The following PSG3 variants were observed in gnomAD, a reference collection of about 807,000 sequenced individuals.
PSG3 encodes pregnancy-specific beta-1-glycoprotein 3.
PSG3 carries 61 observed loss-of-function variants against 47.5 expected under a neutral mutation model. The observed-to-expected ratio is 1.28, with a 90% CI of 1.05 to 1.59. PSG3 has a LOEUF of 1.59. Ranked by LOEUF, PSG3 falls within the 40% of genes most tolerant of loss-of-function variation. The pLI is 0.00. For missense variants in PSG3, 756 were observed against 524.0 expected (o/e 1.44, Z -4.32); for synonymous variants, 263 against 198.4 (o/e 1.33, Z -2.74).
At position 42,729,172 on chromosome 19, in the gene PSG3, G is replaced by A. The variant is rs1309225284; in HGVS notation, c.1194C>T (p.Asn398=). The part of the protein sequence containing the change: ...HSGLYACSVR[N]SATGMESSKS... Reference sequence around the variant, plus strand: ...TGGAGCTTTCCATGCCAGTGGCTGAGTTACGAACAGAGCAAGCATAGAGCC... The same window carrying A: ...TGGAGCTTTCCATGCCAGTGGCTGAATTACGAACAGAGCAAGCATAGAGCC... Residue 398 remains asparagine (N), a synonymous_variant, in exon 5 of 7, where the codon AAC becomes AAT. Transcript: ENST00000327495. The A allele has an allele frequency of 1.9e-6, 3 of 1,614,018 alleles. No individual in the cohort carries two copies. In the South Asian group the frequency reaches 3.3e-5, roughly 18 times the overall value.
In PSG3 at chr19:42,732,957, A is replaced by T. The variant is rs756741082; in HGVS notation, c.536T>A (p.Leu179Gln). The change falls in exon 3 of 7, where the codon CTG becomes CAG. Residue 179 changes from leucine (L) to glutamine (Q), a missense_variant. By Grantham distance (113) the Leu-to-Gln change is moderately radical (BLOSUM62 -2). Coordinates refer to ENST00000327495, the MANE Select transcript of PSG3 (RefSeq NM_021016.4). Reference protein sequence around the residue: ...CDPETPDASYLWWMNGQSLPM... With the variant: ...CDPETPDASYQWWMNGQSLPM... ...GAGGCTCTGACCATTCATCCACCAC[A>T]GGTAGCTTGCGTCCGGAGTCTCAGG... The T allele has an allele frequency of 1.9e-6, 3 of 1,614,146 alleles. No homozygotes were observed. The highest frequency in any genetic ancestry group is 2.2e-5 in the East Asian group (1 of 44,876).
In PSG3 at chr19:42,740,477, C is replaced by A; in HGVS notation, c.-93G>T. ...GCTCTCAGCTGTGCTGTCCTTCCTC[C>A]TTCTGCGCTGAGCCTCTTCCCGGGG... On this transcript the variant is annotated 5_prime_UTR_variant, in exon 1 of 7. In the 5' UTR this introduces an upstream ATG that the reference lacks. Transcript: ENST00000327495. 1.2e-6 allele frequency: 2 copies of A among 1,607,962 alleles called. No homozygotes were observed. The highest frequency in any genetic ancestry group is 1.7e-6 in the Non-Finnish European group (2 of 1,177,356).
In PSG3 at chr19:42,721,994, G is replaced by A; in HGVS notation, c.*137C>T. The stretch of plus-strand genomic sequence containing the variant: ...AGTTATCAGGAACTTGTATTCAAGA[G>A]TCCTTGTCAGAGTCTTTTCATAAAT... On this transcript the variant is annotated 3_prime_UTR_variant, in exon 7 of 7. Coordinates refer to ENST00000327495, the MANE Select transcript of PSG3 (RefSeq NM_021016.4). The A allele has an allele frequency of 2.4e-6, 1 of 416,912 alleles. No homozygotes were observed. Among genetic ancestry groups the A allele is most frequent in the Admixed American group, 4.4e-5 (1 of 22,760 alleles). The allele number at this position is 416,912 out of a possible 1,614,324, so 25.8% of individuals were successfully genotyped here. A position where few individuals can be genotyped will look rare whatever the true frequency, so the allele number is the denominator to read the frequency against.
Position 42,729,995 on chromosome 19 carries a change from G to C in PSG3, c.771C>G (p.Val257=), listed in dbSNP as rs1234133518. The C allele has an allele frequency of 3.1e-6, 5 of 1,612,074 alleles. No individual in the cohort carries two copies. Among genetic ancestry groups the C allele is most frequent in the Non-Finnish European group, 4.2e-6 (5 of 1,179,732 alleles). ...TCTTAGGTTCACAGGTGAAGGCTAA[G>C]ACATCCTTATTCTCCCTGGGGTTTA... ...NNLNPRENKD[V]LAFTCEPKSE... is the part of the protein sequence containing the mutation. Residue 257 remains valine, a synonymous_variant, in exon 4 of 7, where the codon GTC becomes GTG. Coordinates refer to ENST00000327495, the MANE Select transcript of PSG3 (RefSeq NM_021016.4).
At chr19:42,726,581 A>G (rs1433205570) in intron 5 of PSG3, among the ~76,000 whole-genome samples, 2 of 152,232 alleles carry the variant, frequency 1.3e-5, no homozygotes, top group East Asian at 3.8e-4. Flanking sequence ...GAGTTTAACC[A>G]AAGAGGTAAA....
chr19:42,726,503 C>A (rs910902309), intron 5 of PSG3, among the ~76,000 whole-genome samples: 2 of 151,860 alleles, frequency 1.3e-5, no homozygotes, highest in Non-Finnish European at 2.9e-5. Flanking sequence ...CATGAACAAT[C>A]TGAAGGGAAA....
chr19:42,733,740 AG>A (rs1382351271), intron 2 of PSG3: 4 of 153,902 alleles, frequency 2.6e-5, no homozygotes, highest in African/African-American at 9.6e-5. Context: ...CAAAGAGTGA[AG>A]GGGACAGGCA....
At chr19:42,739,594 T>G (rs1441313081) in intron 1 of PSG3, 6 of 165,552 alleles carry the variant, frequency 3.6e-5, no homozygotes, top group East Asian at 1.8e-4. Flanking sequence ...TGTGATCTTC[T>G]TTGCACCCCA....
chr19:42,726,772 T>TA (rs889296104), intron 5 of PSG3, among the ~76,000 whole-genome samples: 293 of 151,482 alleles, frequency 1.9e-3, no homozygotes, highest in African/African-American at 6.6e-3. Flanking sequence ...ATTTTTGCAG[T>TA]AAAAAAAAAT....
Position 42,738,771 on chromosome 19 carries a change from C to A in PSG3, c.383G>T (p.Gly128Val), listed in dbSNP as rs148268470. Reference protein sequence around the residue: ...GSYTLHIVKRGDGTRGETGHF... With the variant: ...GSYTLHIVKRVDGTRGETGHF... ...TCCAGTTTCTCCTCTAGTCCCATCA[C>A]CTCGCTTTACGATGTGTAAGGTGTA... The change falls in exon 2 of 7, where the codon GGT becomes GTT. Residue 128 changes from glycine to valine, a missense_variant. Transcript: ENST00000327495. 3.2e-4 allele frequency: 516 copies of A among 1,613,968 alleles called. 3 individuals are homozygous for A. The highest frequency in any genetic ancestry group is 8.8e-4 in the Admixed American group (53 of 59,996).
chr19:42,736,959 A>G (rs191711002), intron 2 of PSG3, among the ~76,000 whole-genome samples: 166 of 152,024 alleles, frequency 1.1e-3, no homozygotes, highest in African/African-American at 3.4e-3. Context: ...TCTGGGGAAG[A>G]CCTAGGGGTG....
At chr19:42,724,933 C>T (rs1969352679) in intron 5 of PSG3, among the ~76,000 whole-genome samples, 1 of 152,028 alleles carries the variant, frequency 6.6e-6, no homozygotes, top group African/African-American at 2.4e-5. Flanking sequence ...ATGTGCCAGG[C>T]CCTGTGCTAA....
rs905610494 is a variant in PSG3, at chr19:42,733,012, C to T, written c.481G>A (p.Asp161Asn). 1 of 1,614,162 alleles carries T rather than the reference C, an allele frequency of 6.2e-7. No homozygotes were observed. The highest frequency in any genetic ancestry group is 2.2e-5 in the East Asian group (1 of 44,890). Residue 161 changes from aspartate to asparagine, a missense_variant, in exon 3 of 7, where the codon GAC (aspartate) becomes AAC (asparagine). Transcript: ENST00000327495. ...CAGGTTAAGCTCACAGCCTCCATGT[C>T]CTCCCTGGGGTATAAGTTGCTGCTG... ...ISSSNLYPRE[D>N]MEAVSLTCDP... is the part of the protein sequence containing the mutation.
intron 2 of PSG3, among the ~76,000 whole-genome samples, chr19:42,738,405 C>G (rs755995160): frequency 5.3e-5 from 8 of 152,226 alleles, no homozygotes; most frequent in Non-Finnish European, 1.0e-4. Flanking sequence ...AAGCCCTACT[C>G]AGTTTGCCAG....
At chr19:42,727,893 G>T (rs962846324) in intron 5 of PSG3, among the ~76,000 whole-genome samples, 3 of 152,174 alleles carry the variant, frequency 2.0e-5, no homozygotes, top group Admixed American at 2.0e-4. Context: ...AAGATAAGTG[G>T]GTAGGCAAAT....
At chr19:42,730,190 T>C in intron 3 of PSG3, 134 bp from the exon 4 acceptor site, 3 of 1,477,440 alleles carry the variant, frequency 2.0e-6, no homozygotes, top group Non-Finnish European at 2.7e-6. Flanking sequence ...GGTGCGTGTG[T>C]CACAAGACAG....
intron 4 of PSG3, 75 bp from the exon 5 acceptor site, chr19:42,729,452 C>G (rs900982242): frequency 1.3e-6 from 2 of 1,549,414 alleles, no homozygotes; most frequent in African/African-American, 1.4e-5. Context: ...TAAAGGGACA[C>G]AGTGACCCTC....
At chr19:42,734,825 A>C (rs1223078866) in intron 2 of PSG3, among the ~76,000 whole-genome samples, 1 of 152,224 alleles carries the variant, frequency 6.6e-6, no homozygotes, top group African/African-American at 2.4e-5. Flanking sequence ...ATATAGAAAG[A>C]ACCTGCTTCT....
intron 6 of PSG3, among the ~76,000 whole-genome samples, chr19:42,723,035 A>T (rs1291733899): frequency 6.6e-6 from 1 of 151,876 alleles, no homozygotes; most frequent in East Asian, 1.9e-4. Flanking sequence ...GTGGCATTCA[A>T]TTTTTTCTAT....
Sources: allele counts gnomAD v4.1 joint callset (sites outside exome capture counted in the v4.1 genomes callset), GRCh38; gene constraint gnomAD v4.1.1; transcripts MANE v1.5; gene names NCBI Gene and HGNC (gene_info 2026-07-23, HGNC 2026-07-21).